Variants in DCAF6 observed in about 807,000 individuals in gnomAD.
DCAF6 encodes DDB1 and CUL4 associated factor 6, also known as DDB1- and CUL4-associated factor 6.
In DCAF6, 54 loss-of-function variants were observed where a neutral mutation model predicts 125.1. That is an observed-to-expected ratio of 0.43 (90% CI 0.35 to 0.54). DCAF6 has a LOEUF of 0.54. Ranked by LOEUF, DCAF6 falls within the 20% of genes least tolerant of loss-of-function variation. DCAF6 has a pLI of 0.01. For synonymous variants in DCAF6, 371 were observed against 390.4 expected, an observed-to-expected ratio of 0.95 and a Z score of 0.58; for missense variants, 934 against 1,161.7, an observed-to-expected ratio of 0.80 and a Z score of 2.85.
the DCAF6 span, among the ~76,000 whole-genome samples, chr1:167,888,891 G>GAA: frequency 3.6e-5 from 5 of 139,140 alleles, 2 homozygotes; most frequent in Non-Finnish European, 7.7e-5. Context: ...AAAAAAAAAA[G>GAA]AAAAAGAAAG....
chr1:168,018,702 A>G (rs1302399602), intron 11 of DCAF6, among the ~76,000 whole-genome samples: 3 of 152,188 alleles, frequency 2.0e-5, no homozygotes, highest in Admixed American at 1.3e-4. Context: ...ATACACCACA[A>G]CTCATTTAGG....
At chr1:167,971,697 A>G (rs1404625665) in intron 3 of DCAF6, among the ~76,000 whole-genome samples, 1 of 152,186 alleles carries the variant, frequency 6.6e-6, no homozygotes, top group Non-Finnish European at 1.5e-5. Context: ...AATCATTGCA[A>G]TTATCAATAT....
the DCAF6 span, chr1:167,899,723 A>G: frequency 1.7e-6 from 2 of 1,187,826 alleles, no homozygotes; most frequent in Non-Finnish European, 2.4e-6. Flanking sequence ...TGGTGGGACT[A>G]TACTATCTCA....
At chr1:167,957,436 C>A (rs1361668708) in intron 2 of DCAF6, among the ~76,000 whole-genome samples, 2 of 152,108 alleles carry the variant, frequency 1.3e-5, no homozygotes, top group African/African-American at 4.8e-5. Context: ...GTCAGTATTT[C>A]ATTCCTTTTT....
intron 2 of DCAF6, among the ~76,000 whole-genome samples, chr1:167,954,106 A>G (rs1375499262): frequency 2.0e-5 from 3 of 152,054 alleles, no homozygotes. Flanking sequence ...TCCTGGGTTC[A>G]AGTGATTCTT....
intron 9 of DCAF6, 132 bp from the exon 10 acceptor site, chr1:168,004,401 C>T: frequency 1.0e-6 from 1 of 1,004,854 alleles, no homozygotes. Context: ...GCCAAATCAC[C>T]AGTAGTTATT....
chr1:168,066,341 C>T (rs769400959), intron 19 of DCAF6, 36 bp from the exon 20 acceptor site: 2 of 1,400,084 alleles, frequency 1.4e-6, no homozygotes, highest in Admixed American at 3.8e-5. Flanking sequence ...TTGCATGTTT[C>T]TAGGCTTCAT....
chr1:167,978,546 G>T (rs1366211278), intron 4 of DCAF6, among the ~76,000 whole-genome samples: 3 of 151,944 alleles, frequency 2.0e-5, no homozygotes, highest in Admixed American at 1.3e-4. Context: ...ATTTTTTTCT[G>T]TTGGGTTGTT....
upstream of DCAF6, chr1:167,935,844 C>T (rs756306815): frequency 1.2e-5 from 19 of 1,549,562 alleles, no homozygotes; most frequent in East Asian, 4.6e-4. Context: ...GCCGACATCG[C>T]CGCCGAGGGA....
intron 12 of DCAF6, among the ~76,000 whole-genome samples, chr1:168,029,591 T>C (rs1451981015): frequency 6.6e-6 from 1 of 152,186 alleles, no homozygotes; most frequent in Non-Finnish European, 1.5e-5. Context: ...ATTTTTTATA[T>C]GTTAATTTAC....
At chr1:168,048,623 C>T (rs1689430606) in intron 16 of DCAF6, among the ~76,000 whole-genome samples, 1 of 152,142 alleles carries the variant, frequency 6.6e-6, no homozygotes, top group Non-Finnish European at 1.5e-5. Context: ...TAACAACTAA[C>T]ATAGATATTT....
At position 167,936,892 on chromosome 1, in the gene DCAF6, C is replaced by T. The variant is rs761136754; in HGVS notation, c.-20C>T. The stretch of plus-strand genomic sequence containing the variant: ...TCCCCCACGCGGTGGTCTCCCCTCC[C>T]ACCCGGCTCAGGCAGAGCCATGTCT... On this transcript the variant is annotated 5_prime_UTR_variant, in exon 1 of 22. Coordinates refer to ENST00000367840, the MANE Select transcript of DCAF6 (RefSeq NM_001198956.2). 8.2e-6 allele frequency: 13 copies of T among 1,576,896 alleles called. No homozygotes were observed. The African/African-American group carries it at 1.5e-4, about 18-fold the overall frequency.
chr1:167,936,852 C>A lies in DCAF6; in HGVS notation c.-60C>A. 1 of 1,393,894 alleles carries A rather than the reference C, an allele frequency of 7.2e-7. No homozygotes were observed. Among genetic ancestry groups the A allele is most frequent in the Non-Finnish European group, 9.9e-7 (1 of 1,007,838 alleles). 86.3% of individuals were successfully genotyped at this position (1,393,894 alleles called of 1,614,324 possible). A position where few individuals can be genotyped will look rare whatever the true frequency, so the allele number is the denominator to read the frequency against. On this transcript the variant is annotated 5_prime_UTR_variant, in exon 1 of 22. Transcript: ENST00000367840. ...GCTCGGGTGTTGAAACGGGTGTCCC[C>A]TCCCCCTCCTCCCCTCCCCCACGCG...
At chr1:167,948,113 T>C (rs1673350523) in intron 1 of DCAF6, among the ~76,000 whole-genome samples, 1 of 152,008 alleles carries the variant, frequency 6.6e-6, no homozygotes, top group East Asian at 1.9e-4. Flanking sequence ...TCTTTAATAT[T>C]ATATAACGAC....
At chr1:167,944,206 C>G (rs1335765051) in intron 1 of DCAF6, among the ~76,000 whole-genome samples, 2 of 152,194 alleles carry the variant, frequency 1.3e-5, no homozygotes, top group African/African-American at 2.4e-5. Context: ...TTTTCTTTAC[C>G]TGTTCATCCA....
intron 12 of DCAF6, among the ~76,000 whole-genome samples, chr1:168,029,408 G>A (rs1686762716): frequency 6.6e-6 from 1 of 152,130 alleles, no homozygotes; most frequent in East Asian, 1.9e-4. Flanking sequence ...CAACTGATAC[G>A]TAAATGCCTA....
intron 2 of DCAF6, among the ~76,000 whole-genome samples, chr1:167,961,614 T>C (rs1160694524): frequency 3.3e-5 from 5 of 152,234 alleles, no homozygotes; most frequent in African/African-American, 1.2e-4. Context: ...TTATTTCTTT[T>C]CCAATCTTCA....
the DCAF6 span, among the ~76,000 whole-genome samples, chr1:167,893,078 G>C: frequency 6.6e-6 from 1 of 152,206 alleles, no homozygotes; most frequent in African/African-American, 2.4e-5. Flanking sequence ...AAATTTGAGA[G>C]AACCAAGATT....
At chr1:168,037,103 C>CTTTTTTTTT (rs752448825) in intron 12 of DCAF6, among the ~76,000 whole-genome samples, 2 of 148,272 alleles carry the variant, frequency 1.3e-5, no homozygotes, top group Admixed American at 6.7e-5. Flanking sequence ...TTCTCCCCCC[C>CTTTTTTTTT]CTTTTTTTTT....
Sources: allele counts gnomAD v4.1 joint callset (sites outside exome capture counted in the v4.1 genomes callset), GRCh38; gene constraint gnomAD v4.1.1; transcripts MANE v1.5; gene names NCBI Gene and HGNC (gene_info 2026-07-23, HGNC 2026-07-21).